CCDC171: variants seen among roughly 807,000 people sequenced by gnomAD.
The protein encoded by CCDC171 is coiled-coil domain-containing protein 171.
In CCDC171, 177 loss-of-function variants were observed where a neutral mutation model predicts 168.2. That is an observed-to-expected ratio of 1.05 (90% CI 0.93 to 1.19). The LOEUF is 1.19. CCDC171 is among the 50% of genes most tolerant of loss of function. The probability of loss-of-function intolerance (pLI) is 0.00; values close to 1 mark genes in which losing one functional copy is unlikely to be tolerated. For synonymous variants in CCDC171, 687 were observed against 540.8 expected (o/e 1.27, Z -3.75); for missense variants, 1,991 against 1,539.0 (o/e 1.29, Z -4.91).
intron 9 of CCDC171, among the ~76,000 whole-genome samples, chr9:15,666,965 C>T (rs578148057): frequency 2.3e-4 from 35 of 152,228 alleles, no homozygotes; most frequent in Non-Finnish European, 4.3e-4. Context: ...TGTCTAACAC[C>T]GTATGAGGAA....
chr9:15,804,298 T>TA (rs1265470376), intron 21 of CCDC171, among the ~76,000 whole-genome samples: 3 of 152,148 alleles, frequency 2.0e-5, no homozygotes, highest in Non-Finnish European at 4.4e-5. Context: ...AAGGCAACCT[T>TA]GTCTTCTGTT....
intron 18 of CCDC171, among the ~76,000 whole-genome samples, chr9:15,758,961 C>G (rs1221183622): frequency 6.6e-6 from 1 of 152,160 alleles, no homozygotes; most frequent in African/African-American, 2.4e-5. Context: ...ATGTCTTTAT[C>G]AGCAGTGTGA....
At chr9:15,982,730 G>C (rs1003212621) in intron 3 of CCDC171, among the ~76,000 whole-genome samples, 2 of 151,942 alleles carry the variant, frequency 1.3e-5, no homozygotes, top group Non-Finnish European at 2.9e-5. Flanking sequence ...ACCCAGGCAT[G>C]GTCACTTTAG....
chr9:15,932,793 T>C (rs1826681877), intron 25 of CCDC171, among the ~76,000 whole-genome samples: 1 of 151,992 alleles, frequency 6.6e-6, no homozygotes, highest in South Asian at 2.1e-4. Context: ...TCCTCACTTG[T>C]TGAGAGCTTT....
At chr9:15,585,466 A>G (rs1054213589) in intron 4 of CCDC171, among the ~76,000 whole-genome samples, 3 of 152,212 alleles carry the variant, frequency 2.0e-5, no homozygotes, top group African/African-American at 7.2e-5. Flanking sequence ...GCTTAGTGAG[A>G]GAAACTTTAC....
intron 6 of CCDC171, among the ~76,000 whole-genome samples, chr9:15,602,898 T>TCC (rs2042966462): frequency 6.6e-6 from 1 of 152,184 alleles, no homozygotes; most frequent in Non-Finnish European, 1.5e-5. Flanking sequence ...CCTCAGGCGA[T>TCC]CTGCCTGCCT....
chr9:15,949,305 G>A (rs182306785), intron 25 of CCDC171, among the ~76,000 whole-genome samples: 1 of 152,018 alleles, frequency 6.6e-6, no homozygotes, highest in Non-Finnish European at 1.5e-5. Flanking sequence ...TGGCGATTCG[G>A]GCTTTTTTTG....
intron 3 of CCDC171, among the ~76,000 whole-genome samples, chr9:15,997,568 A>G (rs1413248820): frequency 6.6e-6 from 1 of 152,042 alleles, no homozygotes; most frequent in Non-Finnish European, 1.5e-5. Flanking sequence ...CTGAGGGGAA[A>G]TTTACCAGAG....
chr9:15,700,118 G>C (rs777189161), intron 11 of CCDC171, among the ~76,000 whole-genome samples: 1 of 152,146 alleles, frequency 6.6e-6, no homozygotes, highest in African/African-American at 2.4e-5. Context: ...GGGAGGCTCC[G>C]GTGCACAGGA....
At chr9:15,600,409 C>T (rs368946648) in intron 6 of CCDC171, among the ~76,000 whole-genome samples, 2 of 152,092 alleles carry the variant, frequency 1.3e-5, no homozygotes, top group African/African-American at 2.4e-5. Flanking sequence ...CACTCCAGAC[C>T]CTGTTTGCCT....
chr9:15,948,491 T>C (rs1270366945), intron 25 of CCDC171, among the ~76,000 whole-genome samples: 38 of 149,948 alleles, frequency 2.5e-4, no homozygotes, highest in African/African-American at 8.5e-4. Context: ...GCACCTGTTG[T>C]TTCCTGACTT....
rs2053642810 is a variant in CCDC171 at position 15,723,869 on chromosome 9, T to C, written c.1491+123T>C. 1.3e-5 allele frequency: 6 copies of C among 450,014 alleles called. No individual in the cohort carries two copies. In the East Asian group the frequency reaches 2.2e-4, roughly 17 times the overall value. The allele number at this position is 450,014 out of a possible 1,614,324, so 27.9% of individuals were successfully genotyped here. A position where few individuals can be genotyped will look rare whatever the true frequency, so the allele number is the denominator to read the frequency against. The stretch of plus-strand genomic sequence containing the variant: ...GTATTTCTATTTTTTAAAGTATGTA[T>C]GGGTAGAATTTTAATTTTTTCTTGT... On this transcript the variant is annotated intron_variant, in intron 13 of 25. Coordinates refer to ENST00000380701, the MANE Select transcript of CCDC171 (RefSeq NM_173550.4).
At chr9:15,655,163 C>T (rs2047830127) in intron 7 of CCDC171, among the ~76,000 whole-genome samples, 1 of 108,782 alleles carries the variant, frequency 9.2e-6, no homozygotes, top group African/African-American at 3.5e-5. Flanking sequence ...TCACATGCAC[C>T]CTCAAACTTA....
chr9:15,985,316 A>C (rs1564101875), intron 3 of CCDC171, among the ~76,000 whole-genome samples: 2 of 152,120 alleles, frequency 1.3e-5, no homozygotes, highest in Admixed American at 6.5e-5. Flanking sequence ...TGCGAGATAC[A>C]TTTGCAGGTA....
intron 3 of CCDC171, among the ~76,000 whole-genome samples, chr9:16,003,154 C>G (rs751352486): frequency 1.5e-4 from 23 of 152,332 alleles, no homozygotes; most frequent in Middle Eastern, 3.4e-3. Context: ...AAGAAAACAT[C>G]CCAACTTCCC....
intron 2 of CCDC171, among the ~76,000 whole-genome samples, chr9:15,566,858 G>T (rs1316288892): frequency 1.3e-5 from 2 of 152,122 alleles, no homozygotes; most frequent in East Asian, 1.9e-4. Context: ...CGAGGTAAGG[G>T]TCTAAATTTG....
chr9:16,068,759 G>A, the CCDC171 span, among the ~76,000 whole-genome samples: 1 of 151,878 alleles, frequency 6.6e-6, no homozygotes, highest in Non-Finnish European at 1.5e-5. Context: ...GGGGTCATAC[G>A]ATGTATTCTG....
intron 21 of CCDC171, among the ~76,000 whole-genome samples, chr9:15,813,376 A>G (rs1343707877): frequency 1.3e-5 from 2 of 152,162 alleles, no homozygotes; most frequent in Non-Finnish European, 2.9e-5. Context: ...ACAACTAAAC[A>G]CCAGTCAGGA....
intron 3 of CCDC171, among the ~76,000 whole-genome samples, chr9:15,572,078 G>C (rs891137184): frequency 6.6e-6 from 1 of 152,040 alleles, no homozygotes; most frequent in Non-Finnish European, 1.5e-5. Flanking sequence ...CATAATGTAG[G>C]TTCCTTTAAG....
Sources: gnomAD v4.1 joint callset for allele counts (sites outside exome capture counted in the v4.1 genomes callset) on GRCh38, gnomAD v4.1.1 for gene constraint, MANE v1.5 for transcripts, NCBI Gene and HGNC (gene_info 2026-07-23, HGNC 2026-07-21) for gene names.